GTPBP1: variants seen among roughly 807,000 people sequenced by gnomAD.
GTPBP1 encodes GTP binding protein 1, also known as GTP-binding protein 1.
In GTPBP1, 23 loss-of-function variants were observed where a neutral mutation model predicts 62.0. That is an observed-to-expected ratio of 0.37 (90% CI 0.27 to 0.53). GTPBP1 has a LOEUF of 0.53. Among genes scored for constraint, GTPBP1 ranks in the 20% least tolerant of loss-of-function variants. The pLI, the probability that GTPBP1 is intolerant of heterozygous loss-of-function variation, is 0.89. For missense variants in GTPBP1, 640 were observed against 917.3 expected (o/e 0.70, Z 3.90); for synonymous variants, 344 against 364.4 (o/e 0.94, Z 0.64).
At chr22:38,735,033 T>C, downstream of GTPBP1, 1 of 293,438 alleles carries the variant, frequency 3.4e-6, no homozygotes, top group Non-Finnish European at 6.8e-6. Flanking sequence ...AGAAACTGAG[T>C]ATCACCCAGT....
At position 38,730,779 on chromosome 22, in the gene GTPBP1, G is replaced by C; in HGVS notation, c.*75G>C. On this transcript the variant is annotated 3_prime_UTR_variant, in exon 12 of 12. Transcript: ENST00000216044. This position sits in a 1 kb window ranked among gnomAD's most constrained non-coding sequence, Gnocchi z 5.6. ...ACCACTCCACCAGATGGGCAGAGCA[G>C]CTATGACCGCCACCCAGCCCTCCCG... The C allele has an allele frequency of 2.5e-6, 2 of 785,358 alleles. No homozygotes were observed. The highest frequency in any genetic ancestry group is 4.0e-6 in the Non-Finnish European group (2 of 499,992). 48.6% of individuals were successfully genotyped at this position (785,358 alleles called of 1,614,324 possible).
intron 5 of GTPBP1, chr22:38,723,411 G>T: frequency 1.9e-6 from 2 of 1,061,930 alleles, no homozygotes; most frequent in Non-Finnish European, 2.9e-6. Context: ...GAAGCAGCAA[G>T]CTTGAGGGCT....
downstream of GTPBP1, chr22:38,736,357 C>G: frequency 1.9e-6 from 3 of 1,613,890 alleles, no homozygotes. Context: ...GCTCCACCAC[C>G]TGGTACGTGG....
At chr22:38,739,032 A>AG (rs1705420989), downstream of GTPBP1, 2 of 1,558,134 alleles carry the variant, frequency 1.3e-6, no homozygotes, top group Non-Finnish European at 1.7e-6. The surrounding 1 kb of genome is among the most constrained non-coding windows in gnomAD (Gnocchi z 6.7). Flanking sequence ...GCACGGGAGG[A>AG]GGGCCCCGCT....
rs188763602 is a variant in GTPBP1, at chr22:38,729,311, G to A, written c.1717-151G>A. The A allele has an allele frequency of 6.6e-5, 38 of 578,394 alleles. No homozygotes were observed. In the African/African-American group the frequency reaches 7.1e-4, roughly 11 times the overall value. 35.8% of individuals were successfully genotyped at this position (578,394 alleles called of 1,614,324 possible). ...TGCCTCTTCATCCCCACTGCCTCCT[G>A]TCACAGCCTTCCTGCCATCTGCCTT... On this transcript the variant is annotated intron_variant, in intron 10 of 11. Transcript: ENST00000216044.
At chr22:38,737,171 C>A (rs1394582953), downstream of GTPBP1, among the ~76,000 whole-genome samples, 1 of 152,146 alleles carries the variant, frequency 6.6e-6, no homozygotes, top group Non-Finnish European at 1.5e-5. The surrounding 1 kb of genome is among the most constrained non-coding windows in gnomAD (Gnocchi z 4.1). Flanking sequence ...AAGAGAAATC[C>A]CAACCTCTCT....
chr22:38,736,347 G>A (rs1603210228), downstream of GTPBP1: 1 of 1,614,000 alleles, frequency 6.2e-7, no homozygotes, highest in Non-Finnish European at 8.5e-7. Flanking sequence ...AGGATCCGCA[G>A]CTCCACCACC....
rs2092670781 is a variant in GTPBP1 at position 38,716,409 on chromosome 22, A to T, written c.486-243A>T. 6.6e-6 allele frequency among the ~76,000 whole-genome samples: 1 copy of T among 152,100 alleles called. No individual in the cohort carries two copies. The highest frequency in any genetic ancestry group is 1.5e-5 in the Non-Finnish European group (1 of 67,988). On this transcript the variant is annotated intron_variant, in intron 3 of 11. Transcript: ENST00000216044. This position sits in a 1 kb window ranked among gnomAD's most constrained non-coding sequence, Gnocchi z 5.2. ...TAGCCTTGCGGCTCTTCCTGGCAGC[A>T]CCCAGAAGCTAGTGGGAGTTAAGGG...
chr22:38,737,366 G>A (rs566440916), downstream of GTPBP1, among the ~76,000 whole-genome samples: 19 of 152,018 alleles, frequency 1.2e-4, no homozygotes, highest in East Asian at 3.1e-3. The surrounding 1 kb of genome is among the most constrained non-coding windows in gnomAD (Gnocchi z 4.1). Context: ...GACCCTCCCT[G>A]CTACGTCTTT....
chr22:38,736,096 T>C, downstream of GTPBP1: 1 of 704,082 alleles, frequency 1.4e-6, no homozygotes, highest in African/African-American at 1.8e-5. Flanking sequence ...GCTAACCGCC[T>C]CGAGCCACCT....
chr22:38,732,883 A>C lies in GTPBP1; in HGVS notation c.*2179A>C, dbSNP rs773875327. 6.6e-6 allele frequency: 1 copy of C among 152,254 alleles called. No individual in the cohort carries two copies. The highest frequency in any genetic ancestry group is 2.4e-5 in the African/African-American group (1 of 41,436). The allele number at this position is 152,254 out of a possible 1,614,324, so 9.4% of individuals were successfully genotyped here. ...GCTAACTTTTTGTATTTTAGTAGAG[A>C]CAGGGTTTCGCCATGTCGGCCAGGG... is the stretch of plus-strand genomic sequence containing the variant. On this transcript the variant is annotated 3_prime_UTR_variant, in exon 12 of 12. Transcript: ENST00000216044.
At chr22:38,742,878 A>C (rs368259318), downstream of GTPBP1, 12 of 253,480 alleles carry the variant, frequency 4.7e-5, no homozygotes, top group African/African-American at 2.7e-4. Flanking sequence ...GGAGGACTGG[A>C]AGCTGCAGGA....
At chr22:38,729,361 A>G (rs1199427269) in intron 10 of GTPBP1, 101 bp from the exon 11 acceptor site, 2 of 827,756 alleles carry the variant, frequency 2.4e-6, no homozygotes, top group Admixed American at 3.1e-5. Flanking sequence ...AGATCAAGGA[A>G]TGAGGAGTCT....
intron 1 of GTPBP1, chr22:38,706,699 G>C (rs1219415217): frequency 1.3e-5 from 2 of 152,340 alleles, no homozygotes; most frequent in Non-Finnish European, 2.9e-5. Flanking sequence ...CAGCTGGGGA[G>C]GAGCATGTCC....
At chr22:38,739,997 C>A, downstream of GTPBP1, 1 of 1,574,232 alleles carries the variant, frequency 6.4e-7, no homozygotes, top group Non-Finnish European at 8.6e-7. The surrounding 1 kb of genome is among the most constrained non-coding windows in gnomAD (Gnocchi z 6.7). Flanking sequence ...ACAGCAGGAG[C>A]TGCTATGACA....
At chr22:38,723,404 G>A in intron 5 of GTPBP1, 1 of 1,005,264 alleles carries the variant, frequency 9.9e-7, no homozygotes. Flanking sequence ...TCTTCCAGAA[G>A]CAGCAAGCTT....
intron 6 of GTPBP1, 192 bp from the exon 7 acceptor site, chr22:38,725,814 T>C (rs2092723689): frequency 1.7e-6 from 1 of 604,278 alleles, no homozygotes; most frequent in Non-Finnish European, 3.0e-6. Flanking sequence ...GGCCTCAGAG[T>C]AGGGCTGGCC....
chr22:38,724,072 C>T (rs896160264), intron 5 of GTPBP1, among the ~76,000 whole-genome samples: 3 of 152,042 alleles, frequency 2.0e-5, no homozygotes, highest in Admixed American at 1.3e-4. Flanking sequence ...AGGTTTCAGA[C>T]GCAGAACCCT....
At chr22:38,724,193 C>T (rs990074416) in intron 5 of GTPBP1, 104 bp from the exon 6 acceptor site, 12 of 707,490 alleles carry the variant, frequency 1.7e-5, no homozygotes, top group Non-Finnish European at 2.9e-5. Context: ...ATCTATCTGT[C>T]TGTCTCCTGC....
Sources: gnomAD v4.1 joint callset for allele counts (sites outside exome capture counted in the v4.1 genomes callset) on GRCh38, gnomAD v4.1.1 for gene constraint, Gnocchi (gnomAD v3.1) non-coding constraint, MANE v1.5 for transcripts, NCBI Gene and HGNC (gene_info 2026-07-23, HGNC 2026-07-21) for gene names.